The following LPIN1 variants were observed in gnomAD, a reference collection of about 807,000 sequenced individuals.
The protein encoded by LPIN1 is phosphatidate phosphatase LPIN1.
Under a neutral mutation model 107.5 loss-of-function variants are expected in LPIN1, and 71 were observed. The observed-to-expected ratio is 0.66, with a 90% CI of 0.55 to 0.80. The LOEUF (loss-of-function observed/expected upper bound fraction) is 0.80. Ranked by LOEUF, LPIN1 falls within the 30% of genes least tolerant of loss-of-function variation. The pLI, the probability that LPIN1 is intolerant of heterozygous loss-of-function variation, is 0.00. For missense variants in LPIN1, 1,043 were observed against 1,160.6 expected, an observed-to-expected ratio of 0.90 and a Z score of 1.47; for synonymous variants, 445 against 452.6, an observed-to-expected ratio of 0.98 and a Z score of 0.21.
chr2:11,700,080 C>G (rs1389394877), intron 1 of LPIN1, among the ~76,000 whole-genome samples: 1 of 152,188 alleles, frequency 6.6e-6, no homozygotes, highest in East Asian at 1.9e-4. Context: ...TGCCTGGTGG[C>G]CATCTGTCTG....
intron 4 of LPIN1, among the ~76,000 whole-genome samples, chr2:11,773,168 C>T (rs1200959593): frequency 1.3e-5 from 2 of 152,200 alleles, no homozygotes; most frequent in African/African-American, 4.8e-5. Flanking sequence ...TTGGTTGATG[C>T]CATTTATTTC....
rs900670727 is a variant in LPIN1 at position 11,746,671 on chromosome 2, G to T, written c.-10G>T. ...AAGGCGGCCACGCGCGGCGCCGCTC[G>T]GTGAGTAGCCGCCGCCTCCAGCCTC... On this transcript the variant is annotated splice_region_variant and 5_prime_UTR_variant, in exon 1 of 21. Transcript: ENST00000674199. The T allele has an allele frequency of 5.0e-5, 49 of 984,512 alleles. No individual in the cohort carries two copies. Among genetic ancestry groups the T allele is most frequent in the Non-Finnish European group, 5.3e-5 (44 of 829,390 alleles). 61.0% of individuals were successfully genotyped at this position (984,512 alleles called of 1,614,324 possible). A position where few individuals can be genotyped will look rare whatever the true frequency, so the allele number is the denominator to read the frequency against.
chr2:11,734,142 AATGTGAC>A lies in LPIN1; in HGVS notation c.-71-7204_-71-7198del, dbSNP rs1232955345. ...AATTAGAGACCTTCATTCACATTGC[AATGTGAC>A]ATTTTGAAGCTACTGTTAGAGCATG... On this transcript the variant is annotated intron_variant, in intron 1 of 21. Transcript: ENST00000396097. Among the ~76,000 whole-genome samples the A allele has an allele frequency of 8.5e-5, 13 of 152,228 alleles. No individual in the cohort carries two copies. In the East Asian group the frequency reaches 2.1e-3, roughly 25 times the overall value.
chr2:11,775,589 C>T (rs913375220), intron 5 of LPIN1, among the ~76,000 whole-genome samples: 1 of 152,130 alleles, frequency 6.6e-6, no homozygotes, highest in Non-Finnish European at 1.5e-5. Flanking sequence ...CACACACGAG[C>T]ACATTTTTGG....
intron 1 of LPIN1, among the ~76,000 whole-genome samples, chr2:11,738,447 G>A (rs140376907): frequency 4.0e-4 from 60 of 151,234 alleles, no homozygotes; most frequent in African/African-American, 1.4e-3. Context: ...CTACATGGCC[G>A]CTGACTCATT....
intron 14 of LPIN1, among the ~76,000 whole-genome samples, chr2:11,799,889 C>T (rs1677387101): frequency 6.6e-6 from 1 of 152,180 alleles, no homozygotes; most frequent in South Asian, 2.1e-4. Context: ...TTTTCAGAGT[C>T]TAACTGCTGT....
At chr2:11,752,125 T>C (rs1240377667) in intron 1 of LPIN1, among the ~76,000 whole-genome samples, 1 of 152,226 alleles carries the variant, frequency 6.6e-6, no homozygotes, top group Non-Finnish European at 1.5e-5. Context: ...TTACTGTATT[T>C]GTACAATCAG....
At position 11,782,374 on chromosome 2, in the gene LPIN1, G is replaced by A; in HGVS notation, c.1131G>A (p.Gln377=). The change falls in exon 8 of 21, where the codon CAG becomes CAA. Residue 377 remains glutamine (Q), a synonymous_variant. Coordinates refer to ENST00000674199, the MANE Select transcript of LPIN1 (RefSeq NM_001349206.2). ...LDQNKPQTEM[Q]FVNEEDLETL... ...AGAACAAGCCTCAGACAGAAATGCA[G>A]TTTGTGAATGAAGAAGACCTGGAGA... 6.2e-7 allele frequency: 1 copy of A among 1,614,222 alleles called. No individual in the cohort carries two copies. The highest frequency in any genetic ancestry group is 8.5e-7 in the Non-Finnish European group (1 of 1,180,038).
chr2:11,769,612 G>A (rs1481272433), intron 3 of LPIN1, among the ~76,000 whole-genome samples: 2 of 151,496 alleles, frequency 1.3e-5, no homozygotes, highest in East Asian at 3.9e-4. Context: ...TAAAGTTTGT[G>A]TTTACCTTTT....
intron 17 of LPIN1, among the ~76,000 whole-genome samples, chr2:11,807,901 A>G (rs1678988142): frequency 3.3e-5 from 5 of 152,080 alleles, no homozygotes; most frequent in Admixed American, 3.3e-4. Context: ...TGGCACTTTC[A>G]GGTCCCAGTC....
At chr2:11,812,589 G>C (rs758990406) in intron 17 of LPIN1, among the ~76,000 whole-genome samples, 10 of 152,208 alleles carry the variant, frequency 6.6e-5, no homozygotes, top group Non-Finnish European at 1.2e-4. Context: ...GCAGATGAGC[G>C]TGGCGAGTTG....
At chr2:11,778,873 G>T (rs1018064319) in intron 6 of LPIN1, among the ~76,000 whole-genome samples, 7 of 152,162 alleles carry the variant, frequency 4.6e-5, no homozygotes, top group African/African-American at 1.7e-4. Context: ...ACATGGAGGT[G>T]GTTACTGAGC....
chr2:11,685,707 G>T (rs1661968241), intron 1 of LPIN1, among the ~76,000 whole-genome samples: 1 of 152,214 alleles, frequency 6.6e-6, no homozygotes, highest in South Asian at 2.1e-4. Flanking sequence ...GCCTATGGCA[G>T]AGCTAAGACT....
At chr2:11,788,210 T>G (rs1572835451) in intron 11 of LPIN1, among the ~76,000 whole-genome samples, 177 bp from the exon 12 acceptor site, 1 of 151,172 alleles carries the variant, frequency 6.6e-6, no homozygotes, top group African/African-American at 2.4e-5. Flanking sequence ...TGGGGTGAGG[T>G]GGGGGGAGCC....
At chr2:11,805,499 T>C in intron 17 of LPIN1, 1 of 395,300 alleles carries the variant, frequency 2.5e-6, no homozygotes, top group East Asian at 5.6e-5. Flanking sequence ...GCTTATATGT[T>C]ATATATGCCA....
At chr2:11,814,989 A>T in intron 17 of LPIN1, 99 bp from the exon 18 acceptor site, 7 of 1,143,306 alleles carry the variant, frequency 6.1e-6, no homozygotes, top group Non-Finnish European at 9.1e-6. Flanking sequence ...AACTTGAAAC[A>T]GTGCCATTCT....
At chr2:11,783,554 CTCTT>C (rs1673935880) in intron 8 of LPIN1, among the ~76,000 whole-genome samples, 1 of 152,194 alleles carries the variant, frequency 6.6e-6, no homozygotes, top group Admixed American at 6.5e-5. Context: ...CCTCAATCCA[CTCTT>C]TCTCCAGCAA....
At chr2:11,772,578 G>A (rs948219049) in intron 4 of LPIN1, among the ~76,000 whole-genome samples, 1 of 152,194 alleles carries the variant, frequency 6.6e-6, no homozygotes, top group Non-Finnish European at 1.5e-5. Context: ...AGAAAATGCT[G>A]TTTTCTCTAT....
rs140859897 is a variant in LPIN1, at chr2:11,808,256, C to G, written c.2249+3100C>G. Among the ~76,000 whole-genome samples, 47 of 152,300 alleles carry G rather than the reference C, an allele frequency of 3.1e-4. 1 individual carries two copies. In the East Asian group the frequency reaches 6.4e-3, roughly 21 times the overall value. On this transcript the variant is annotated intron_variant, in intron 17 of 20. Transcript: ENST00000674199. The stretch of plus-strand genomic sequence containing the variant: ...AGGACAGTCTGGACACGATGGCAGC[C>G]TCCAGAGCCAACCACTGATGAAAGT...
Sources: allele counts gnomAD v4.1 joint callset (sites outside exome capture counted in the v4.1 genomes callset), GRCh38; gene constraint gnomAD v4.1.1; transcripts MANE v1.5; gene names NCBI Gene and HGNC (gene_info 2026-07-23, HGNC 2026-07-21).